IRF6: variants seen among roughly 807,000 people sequenced by gnomAD.
The protein encoded by IRF6 is interferon regulatory factor 6, also known as Van der Woude syndrome.
IRF6 carries 6 observed loss-of-function variants against 51.4 expected under a neutral mutation model. That is an observed-to-expected ratio of 0.12 (90% CI 0.06 to 0.23). The LOEUF is 0.23. IRF6 is among the 10% of genes least tolerant of loss of function. The probability of loss-of-function intolerance (pLI) is 1.00; values close to 1 mark genes in which losing one functional copy is unlikely to be tolerated. For missense variants in IRF6, 348 were observed against 585.2 expected (o/e 0.59, Z 4.18); for synonymous variants, 178 against 215.7 (o/e 0.83, Z 1.53).
intron 6 of IRF6, among the ~76,000 whole-genome samples, chr1:209,791,650 A>C (rs1355454235): frequency 6.6e-6 from 1 of 152,188 alleles, no homozygotes; most frequent in Non-Finnish European, 1.5e-5. Context: ...CTGTTCCACA[A>C]CTGGCCTTGT....
intron 5 of IRF6, among the ~76,000 whole-genome samples, chr1:209,794,998 G>C (rs1370966378): frequency 6.6e-6 from 1 of 152,212 alleles, no homozygotes; most frequent in Non-Finnish European, 1.5e-5. Context: ...ATGTGTAACT[G>C]ATGATATATT....
rs779739264 is a variant in IRF6, at chr1:209,801,423, G to T, written c.-3-7C>A. 1.3e-6 allele frequency: 2 copies of T among 1,567,876 alleles called. No individual in the cohort carries two copies. The highest frequency in any genetic ancestry group is 8.6e-7 in the Non-Finnish European group (1 of 1,160,748). ...GGGGGTGGAGGGCCATGATCTGGGG[G>T]GGTCAGAGGGAGAAATGGGAAGAGC... On this transcript the variant is annotated splice_region_variant and splice_polypyrimidine_tract_variant and intron_variant, in intron 2 of 8. Coordinates refer to ENST00000367021, the MANE Select transcript of IRF6 (RefSeq NM_006147.4).
intron 3 of IRF6, among the ~76,000 whole-genome samples, chr1:209,798,735 C>T (rs1368771673): frequency 6.6e-6 from 1 of 151,916 alleles, no homozygotes; most frequent in Non-Finnish European, 1.5e-5. Context: ...GTGGTGAAAC[C>T]CCGTCTCTAC....
At chr1:209,788,666 G>A in intron 8 of IRF6, 22 bp from the exon 9 acceptor site, 19 of 1,581,136 alleles carry the variant, frequency 1.2e-5, no homozygotes, top group Non-Finnish European at 1.6e-5. Flanking sequence ...ACAGAACACA[G>A]GTGTATCCTC....
At chr1:209,801,502 T>G in intron 2 of IRF6, 86 bp from the exon 3 acceptor site, 1 of 1,056,588 alleles carries the variant, frequency 9.5e-7, no homozygotes, top group Non-Finnish European at 1.4e-6. Context: ...TCCCATCTAC[T>G]AGAGCTACAG....
rs2077857008 is a variant in IRF6 at position 209,789,646 on chromosome 1, GA to G, written c.1179+20del. The G allele has an allele frequency of 6.4e-7, 1 of 1,551,248 alleles. No homozygotes were observed. Among genetic ancestry groups the G allele is most frequent in the African/African-American group, 1.4e-5 (1 of 73,566 alleles). ...ATTGGCAAAAAGATGAAGAGTTGTT[GA>G]CACAGCCTTATCTTCTCACCTGAAC... is the stretch of plus-strand genomic sequence containing the variant. On this transcript the variant is annotated intron_variant, in intron 8 of 8. Coordinates refer to ENST00000367021, the MANE Select transcript of IRF6 (RefSeq NM_006147.4).
chr1:209,796,634 AACACAC>A lies in IRF6; in HGVS notation c.175-88_175-83del, dbSNP rs3028134. Reference sequence around the variant, plus strand: ...GTGCTTACCCTTTCTCATAGACACAAACACACACACACACACACACACACACACACA... The same window carrying A: ...GTGCTTACCCTTTCTCATAGACACAAACACACACACACACACACACACACA... On this transcript the variant is annotated intron_variant, in intron 3 of 8. Transcript: ENST00000367021. This position sits in a 1 kb window ranked among gnomAD's most constrained non-coding sequence, Gnocchi z 4.5. 0.058 allele frequency: 34,053 copies of A among 585,214 alleles called. 794 individuals are homozygous for A. The highest frequency in any genetic ancestry group is 0.31 in the East Asian group (10,594 of 33,824). 36.3% of individuals were successfully genotyped at this position (585,214 alleles called of 1,614,324 possible).
At chr1:209,793,932 A>G (rs998691649) in intron 5 of IRF6, among the ~76,000 whole-genome samples, 17 of 152,302 alleles carry the variant, frequency 1.1e-4, no homozygotes, top group Middle Eastern at 3.4e-3. Flanking sequence ...ATAGTATTCC[A>G]TGGTATATAT....
Position 209,785,947 on chromosome 1 carries a change from C to T in IRF6, c.*2473G>A, listed in dbSNP as rs1407380600. The T allele has an allele frequency of 1.3e-5, 2 of 152,200 alleles. No individual in the cohort carries two copies. Among genetic ancestry groups the T allele is most frequent in the Non-Finnish European group, 2.9e-5 (2 of 68,052 alleles). 9.4% of individuals were successfully genotyped at this position (152,200 alleles called of 1,614,324 possible). Reference sequence around the variant, plus strand: ...CCAGCCCAGATCCAACACTTGCTCTCCCAGTTTACCTCCAGTAGGTTCTTT... The same window carrying T: ...CCAGCCCAGATCCAACACTTGCTCTTCCAGTTTACCTCCAGTAGGTTCTTT... On this transcript the variant is annotated 3_prime_UTR_variant, in exon 9 of 9. Transcript: ENST00000367021.
chr1:209,795,288 ACCATT>A lies in IRF6; in HGVS notation c.505_508+1del. On this transcript the variant is annotated splice_donor_variant and coding_sequence_variant, in exon 5 of 9. Transcript: ENST00000367021. LOFTEE classifies it high-confidence loss of function. Reference sequence around the variant, plus strand: ...TCTGTACCACCCATCATCCCCACTCACCATTGATGTTCAGGAAGGGGAAGGTGTCC... The same window carrying A: ...TCTGTACCACCCATCATCCCCACTCAGATGTTCAGGAAGGGGAAGGTGTCC... The A allele has an allele frequency of 6.2e-7, 1 of 1,613,982 alleles. No homozygotes were observed. Among genetic ancestry groups the A allele is most frequent in the Non-Finnish European group, 8.5e-7 (1 of 1,179,958 alleles).
At chr1:209,803,559 G>A (rs1027309377) in intron 1 of IRF6, among the ~76,000 whole-genome samples, 6 of 152,100 alleles carry the variant, frequency 3.9e-5, no homozygotes, top group African/African-American at 1.4e-4. Flanking sequence ...TCCTAAGATG[G>A]GACTACACAA....
At position 209,792,319 on chromosome 1, in the gene IRF6, G is replaced by A. The variant is rs892833659; in HGVS notation, c.617C>T (p.Pro206Leu). Residue 206 changes from proline to leucine, a missense_variant, in exon 6 of 9, where the codon CCT (proline) becomes CTT (leucine). Transcript: ENST00000367021. ...TGGAGAGCTATAGAAGGGCTGTATAGGTGCCTGGGGTACTTCCATCTCCAG... is the reference window on the plus strand; with the variant it reads ...TGGAGAGCTATAGAAGGGCTGTATAAGTGCCTGGGGTACTTCCATCTCCAG... ...EPLEMEVPQA[P>L]IQPFYSSPEL... The A allele has an allele frequency of 4.3e-6, 7 of 1,614,068 alleles. No homozygotes were observed. The highest frequency in any genetic ancestry group is 4.0e-5 in the African/African-American group (3 of 74,944).
chr1:209,793,499 G>T (rs2077881666), intron 5 of IRF6, among the ~76,000 whole-genome samples: 1 of 152,160 alleles, frequency 6.6e-6, no homozygotes, highest in South Asian at 2.1e-4. Context: ...AGACATTTGA[G>T]AAAGGATCCC....
intron 3 of IRF6, 26 bp downstream of exon 3, chr1:209,801,214 G>A (rs758814076): frequency 6.6e-7 from 1 of 1,522,324 alleles, no homozygotes; most frequent in Admixed American, 1.7e-5. Flanking sequence ...ATCCAGAAAG[G>A]TCTGATGGTA....
chr1:209,788,242 C>G lies in IRF6; in HGVS notation c.*178G>C. On this transcript the variant is annotated 3_prime_UTR_variant, in exon 9 of 9. Coordinates refer to ENST00000367021, the MANE Select transcript of IRF6 (RefSeq NM_006147.4). ...GAGATTTGAAAAAGAAAAGCAAAGT[C>G]TGAAGGGTGATTTTTCCATAAATTA... 1 of 612,340 alleles carries G rather than the reference C, an allele frequency of 1.6e-6. No individual in the cohort carries two copies. The highest frequency in any genetic ancestry group is 2.9e-6 in the Non-Finnish European group (1 of 348,782). 37.9% of individuals were successfully genotyped at this position (612,340 alleles called of 1,614,324 possible). A position where few individuals can be genotyped will look rare whatever the true frequency, so the allele number is the denominator to read the frequency against.
At position 209,789,625 on chromosome 1, in the gene IRF6, G is replaced by T. The variant is rs758972472; in HGVS notation, c.1179+42C>A. The T allele has an allele frequency of 6.1e-5, 88 of 1,442,288 alleles. No individual in the cohort carries two copies. The East Asian group carries it at 7.9e-4, about 13-fold the overall frequency. The allele number at this position is 1,442,288 out of a possible 1,614,324, so 89.3% of individuals were successfully genotyped here. A position where few individuals can be genotyped will look rare whatever the true frequency, so the allele number is the denominator to read the frequency against. On this transcript the variant is annotated intron_variant, in intron 8 of 8. Transcript: ENST00000367021. ...CCCAGACCTGGGGGCTTAAGCATTG[G>T]CAAAAAGATGAAGAGTTGTTGACAC...
intron 2 of IRF6, 43 bp from the exon 3 acceptor site, chr1:209,801,459 G>A: frequency 6.7e-7 from 1 of 1,489,140 alleles, no homozygotes; most frequent in South Asian, 1.3e-5. Flanking sequence ...AGAAGAATTA[G>A]GCCAGCCACT....
At chr1:209,798,590 C>T (rs1006321024) in intron 3 of IRF6, among the ~76,000 whole-genome samples, 6 of 152,120 alleles carry the variant, frequency 3.9e-5, no homozygotes, top group East Asian at 1.9e-4. Context: ...AGTGAAGAGC[C>T]GTATCGTTTA....
Position 209,788,336 on chromosome 1 carries a change from T to C in IRF6, c.*84A>G. On this transcript the variant is annotated 3_prime_UTR_variant, in exon 9 of 9. Transcript: ENST00000367021. ...TAACACTGTTAGAGAAAAGAGAGAT[T>C]TAAAAGCTGGTTAAATCTAAACAAT... The C allele has an allele frequency of 1.1e-6, 1 of 902,820 alleles. No individual in the cohort carries two copies. The highest frequency in any genetic ancestry group is 2.6e-5 in the East Asian group (1 of 38,696). The allele number at this position is 902,820 out of a possible 1,614,324, so 55.9% of individuals were successfully genotyped here. A position where few individuals can be genotyped will look rare whatever the true frequency, so the allele number is the denominator to read the frequency against.
Sources: allele counts gnomAD v4.1 joint callset (sites outside exome capture counted in the v4.1 genomes callset), GRCh38; gene constraint gnomAD v4.1.1; non-coding constraint Gnocchi (gnomAD v3.1); transcripts MANE v1.5; gene names NCBI Gene and HGNC (gene_info 2026-07-23, HGNC 2026-07-21).